The following FILIP1L variants were observed in gnomAD, a reference collection of about 807,000 sequenced individuals.
The protein encoded by FILIP1L is filamin A-interacting protein 1-like.
FILIP1L carries 55 observed loss-of-function variants against 96.6 expected under a neutral mutation model. The observed-to-expected ratio is 0.57, with a 90% CI of 0.46 to 0.71. FILIP1L has a LOEUF of 0.71. Ranked by LOEUF, FILIP1L falls within the 30% of genes least tolerant of loss-of-function variation. The pLI is 0.00. For synonymous variants in FILIP1L, 467 were observed against 473.9 expected (o/e 0.99, Z 0.19); for missense variants, 1,304 against 1,321.2 (o/e 0.99, Z 0.20).
At chr3:100,071,628 C>T (rs1406987659) in intron 1 of FILIP1L, among the ~76,000 whole-genome samples, 1 of 152,198 alleles carries the variant, frequency 6.6e-6, no homozygotes, top group Admixed American at 6.5e-5. Flanking sequence ...TGGAAGTCAA[C>T]TTCTGGACAC....
rs541539407 is a variant in FILIP1L at position 100,062,400 on chromosome 3, C to T, written c.-11+51653G>A. ...TGCTAGGATTACAGGTGTGAGCCAC[C>T]GCGCCCGGTCTATCCTGTCTTCTTT... On this transcript the variant is annotated intron_variant, in intron 1 of 5. Coordinates refer to ENST00000477258, the MANE Select transcript of FILIP1L (RefSeq NM_001387850.1). 3.3e-4 allele frequency among the ~76,000 whole-genome samples: 50 copies of T among 152,090 alleles called. No homozygotes were observed. In the South Asian group the frequency reaches 8.9e-3, roughly 27 times the overall value.
In FILIP1L at chr3:99,867,602, T is replaced by G. The variant is rs1944585476; in HGVS notation, c.606-16532A>C. 5.3e-5 allele frequency among the ~76,000 whole-genome samples: 8 copies of G among 152,302 alleles called. 1 individual carries two copies. In the South Asian group the frequency reaches 1.7e-3, roughly 32 times the overall value. On this transcript the variant is annotated intron_variant, in intron 4 of 5. Coordinates refer to ENST00000477258, the MANE Select transcript of FILIP1L (RefSeq NM_001387850.1). ...CTTAACTATCTGACCTTACCTCATC[T>G]GCTTGTCACCTTAGCTGCAACATGG...
At chr3:99,982,614 G>A (rs116248544) in intron 1 of FILIP1L, among the ~76,000 whole-genome samples, 2,635 of 152,220 alleles carry the variant, frequency 0.017, 37 homozygotes, top group Middle Eastern at 0.034. Flanking sequence ...AAAGTGCTGG[G>A]ATTACAGGCA....
At chr3:99,988,296 G>A (rs759732295) in intron 1 of FILIP1L, among the ~76,000 whole-genome samples, 3 of 134,552 alleles carry the variant, frequency 2.2e-5, no homozygotes, top group Non-Finnish European at 4.6e-5. Context: ...GGGAGATGGA[G>A]ACCATCCTGG....
At chr3:99,836,526 A>G (rs1942902969) in intron 5 of FILIP1L, among the ~76,000 whole-genome samples, 1 of 152,204 alleles carries the variant, frequency 6.6e-6, no homozygotes, top group Non-Finnish European at 1.5e-5. Flanking sequence ...TGAGACAGCC[A>G]GAGAGAAAAA....
rs35573217 is a variant in FILIP1L, at chr3:99,936,308, C to G, written c.-10-5278G>C. Among the ~76,000 whole-genome samples, 165 of 145,552 alleles carry G rather than the reference C, an allele frequency of 1.1e-3. 1 individual carries two copies. The highest frequency in any genetic ancestry group is 4.0e-3 in the African/African-American group (159 of 39,504). On this transcript the variant is annotated intron_variant, in intron 1 of 5. Transcript: ENST00000477258. ...ATTACTTATCATATACAAGCCCATT[C>G]TAAATGCCTTCCTTTGATTAACTCA...
At chr3:99,880,877 T>G (rs528850438) in intron 4 of FILIP1L, among the ~76,000 whole-genome samples, 1 of 152,290 alleles carries the variant, frequency 6.6e-6, no homozygotes, top group East Asian at 1.9e-4. Context: ...GGACCCTGTA[T>G]GTGTATGTAT....
At chr3:100,028,881 C>T (rs562801781) in intron 1 of FILIP1L, among the ~76,000 whole-genome samples, 83 of 152,276 alleles carry the variant, frequency 5.5e-4, no homozygotes, top group Non-Finnish European at 1.1e-3. Context: ...CACCTTTTTA[C>T]TGAGGTGTGT....
intron 5 of FILIP1L, among the ~76,000 whole-genome samples, chr3:99,831,791 A>G (rs1942676577): frequency 6.6e-6 from 1 of 152,216 alleles, no homozygotes; most frequent in African/African-American, 2.4e-5. Flanking sequence ...AGCAATTCAC[A>G]TTTTTAATAA....
chr3:100,052,921 C>T (rs2065398307), intron 1 of FILIP1L, among the ~76,000 whole-genome samples: 1 of 152,080 alleles, frequency 6.6e-6, no homozygotes, highest in South Asian at 2.1e-4. Context: ...TTTTTAAAAC[C>T]TGTAATATAT....
At chr3:99,955,169 G>A (rs1038191682) in intron 1 of FILIP1L, among the ~76,000 whole-genome samples, 1 of 152,118 alleles carries the variant, frequency 6.6e-6, no homozygotes, top group African/African-American at 2.4e-5. Context: ...CTAGCAATGG[G>A]GTGCTGTTTT....
rs1029776301 is a variant in FILIP1L at position 99,876,087 on chromosome 3, C to CGGGGCCGGGCG, written c.606-25028_606-25018dup. ...CCGGGCTTACCTGAACTGCCTGCGC[C>CGGGGCCGGGCG]GGGGCCGGGCGGGGGCCGGGCCGGG... On this transcript the variant is annotated intron_variant, in intron 4 of 5. Transcript: ENST00000477258. The CGGGGCCGGGCG allele has an allele frequency of 1.1e-4, 113 of 986,354 alleles. No individual in the cohort carries two copies. In the East Asian group the frequency reaches 4.3e-3, roughly 38 times the overall value. The allele number at this position is 986,354 out of a possible 1,614,324, so 61.1% of individuals were successfully genotyped here. A position where few individuals can be genotyped will look rare whatever the true frequency, so the allele number is the denominator to read the frequency against.
At chr3:99,990,912 A>G (rs1205750564) in intron 1 of FILIP1L, among the ~76,000 whole-genome samples, 7 of 152,216 alleles carry the variant, frequency 4.6e-5, no homozygotes, top group Non-Finnish European at 5.9e-5. Flanking sequence ...TGAAAAAAGC[A>G]TAAAGTCTGC....
At chr3:99,894,854 C>T (rs186218007) in intron 4 of FILIP1L, among the ~76,000 whole-genome samples, 3 of 152,280 alleles carry the variant, frequency 2.0e-5, no homozygotes, top group Non-Finnish European at 2.9e-5. Flanking sequence ...GAGTAGAGAA[C>T]AATATTCTTG....
chr3:99,915,725 G>A (rs1187137951), intron 4 of FILIP1L, among the ~76,000 whole-genome samples: 1 of 152,030 alleles, frequency 6.6e-6, no homozygotes. Flanking sequence ...TACACTAAAG[G>A]AAATAGGATA....
intron 3 of FILIP1L, among the ~76,000 whole-genome samples, chr3:99,927,065 G>T (rs866109665): frequency 3.3e-5 from 5 of 151,914 alleles, no homozygotes; most frequent in African/African-American, 1.2e-4. Flanking sequence ...TCTTCCCACC[G>T]ATCCTACCCA....
chr3:99,872,216 G>A (rs1944825328), intron 4 of FILIP1L, among the ~76,000 whole-genome samples: 1 of 150,040 alleles, frequency 6.7e-6, no homozygotes, highest in South Asian at 2.1e-4. Context: ...TGGATCAGAT[G>A]ACCTCCATTG....
intron 1 of FILIP1L, among the ~76,000 whole-genome samples, chr3:100,070,556 A>T (rs1170098664): frequency 1.3e-5 from 2 of 152,220 alleles, no homozygotes; most frequent in African/African-American, 4.8e-5. Flanking sequence ...TGGGGTTGTA[A>T]TAAGATACTG....
chr3:99,936,882 C>T (rs953021688), intron 1 of FILIP1L, among the ~76,000 whole-genome samples: 74 of 152,206 alleles, frequency 4.9e-4, no homozygotes, highest in Admixed American at 3.2e-3. Context: ...AAATGAAGCC[C>T]TACTATGTCA....
Sources: allele counts gnomAD v4.1 joint callset (sites outside exome capture counted in the v4.1 genomes callset), GRCh38; gene constraint gnomAD v4.1.1; transcripts MANE v1.5; gene names NCBI Gene and HGNC (gene_info 2026-07-23, HGNC 2026-07-21).